Variants in NPC1 observed in about 807,000 individuals in gnomAD.
The protein encoded by NPC1 is NPC intracellular cholesterol transporter 1, also known as Niemann-Pick C1 protein.
A neutral mutation model predicts 140.4 loss-of-function variants in NPC1; 85 were observed. The ratio of observed to expected loss-of-function variants is 0.61; its 90% CI spans 0.51 to 0.72. The LOEUF is 0.72. Among genes scored for constraint, NPC1 ranks in the 30% least tolerant of loss-of-function variants. NPC1 has a pLI of 0.00. For synonymous variants in NPC1, 656 were observed against 624.8 expected (o/e 1.05, Z -0.74); for missense variants, 1,504 against 1,623.8 (o/e 0.93, Z 1.27).
chr18:23,562,061 G>A (rs1216441770), intron 4 of NPC1, among the ~76,000 whole-genome samples: 2 of 152,180 alleles, frequency 1.3e-5, no homozygotes, highest in African/African-American at 4.8e-5. Flanking sequence ...AGGCCGAGGT[G>A]GGCGGACCAC....
At chr18:23,525,197 C>T (rs1420656149), downstream of NPC1, among the ~76,000 whole-genome samples, 8 of 151,982 alleles carry the variant, frequency 5.3e-5, no homozygotes, top group East Asian at 3.9e-4. Flanking sequence ...CCGCCTGCCT[C>T]GGCCTCCCAA....
At chr18:23,571,175 T>C (rs1405386666) in intron 3 of NPC1, among the ~76,000 whole-genome samples, 1 of 151,972 alleles carries the variant, frequency 6.6e-6, no homozygotes, top group Non-Finnish European at 1.5e-5. Flanking sequence ...ATTGTTTTTC[T>C]CTTTATTTCT....
rs1453699815 is a variant in NPC1 at position 23,551,645 on chromosome 18, C to A, written c.1636G>T (p.Val546Leu). 1 of 1,613,828 alleles carries A rather than the reference C, an allele frequency of 6.2e-7. No homozygotes were observed. The highest frequency in any genetic ancestry group is 8.5e-7 in the Non-Finnish European group (1 of 1,179,706). The change falls in exon 10 of 25, where the codon GTG becomes TTG. Residue 546 changes from valine (V) to leucine (L), a missense_variant. Val to Leu is a conservative substitution (Grantham distance 32). Transcript: ENST00000269228. ...TACTTACCATCATAGCCTCCCAACA[C>A]AAGCCACGGGAACACTGGTCCACCA... ...TFGGPVFPWL[V>L]LGGYDDQNYN...
intron 4 of NPC1, among the ~76,000 whole-genome samples, chr18:23,566,894 T>A (rs1195608380): frequency 6.6e-6 from 1 of 152,230 alleles, no homozygotes. Context: ...CTCCACGGTT[T>A]TGCCTTTTGT....
At chr18:23,543,390 A>G in intron 14 of NPC1, 65 bp downstream of exon 14, 1 of 882,028 alleles carries the variant, frequency 1.1e-6, no homozygotes, top group Non-Finnish European at 1.9e-6. Flanking sequence ...ATGTTCAGGT[A>G]GCCAGCTCCT....
Position 23,533,442 on chromosome 18 carries a change from T to C in NPC1, c.3667A>G (p.Ile1223Val), listed in dbSNP as rs368658600. Residue 1223 changes from isoleucine to valine, a missense_variant, in exon 24 of 25, where the codon ATA becomes GTA. Transcript: ENST00000269228. Reference protein sequence around the residue: ...LAFAKSQIFQIFYFRMYLAMV... With the variant: ...LAFAKSQIFQVFYFRMYLAMV... Reference sequence around the variant, plus strand: ...GCCAAATACATCCTGAAGTAGAATATCTGGAAAATTTGAGATTTGGCAAAA... The same window carrying C: ...GCCAAATACATCCTGAAGTAGAATACCTGGAAAATTTGAGATTTGGCAAAA... 175 of 1,614,040 alleles carry C rather than the reference T, an allele frequency of 1.1e-4. No homozygotes were observed. Among genetic ancestry groups the C allele is most frequent in the Non-Finnish European group, 1.4e-4 (164 of 1,179,990 alleles).
chr18:23,536,010 AAAC>A (rs921373346), intron 21 of NPC1, among the ~76,000 whole-genome samples: 68 of 148,220 alleles, frequency 4.6e-4, no homozygotes, highest in African/African-American at 1.7e-3. Flanking sequence ...AAACACAAAA[AAAC>A]AAAGAATCCT....
intron 23 of NPC1, 74 bp from the exon 24 acceptor site, chr18:23,533,591 A>G: frequency 6.9e-7 from 1 of 1,441,116 alleles, no homozygotes; most frequent in Non-Finnish European, 9.7e-7. Flanking sequence ...CCTTACAAGG[A>G]TTTCTCCCAG....
chr18:23,523,123 C>T (rs1215581671), intron 1 of NPC1, among the ~76,000 whole-genome samples: 3 of 152,192 alleles, frequency 2.0e-5, no homozygotes, highest in Admixed American at 6.5e-5. Context: ...AGGTCCAAAG[C>T]GCGAGTGCTC....
At chr18:23,571,946 T>C (rs2059210176) in intron 3 of NPC1, 128 bp downstream of exon 3, 1 of 326,002 alleles carries the variant, frequency 3.1e-6, no homozygotes, top group East Asian at 6.9e-5. Context: ...TGTATAAATA[T>C]ATAATATACA....
chr18:23,575,606 A>C (rs1355505119), intron 1 of NPC1, among the ~76,000 whole-genome samples: 3 of 152,018 alleles, frequency 2.0e-5, no homozygotes, highest in Admixed American at 1.3e-4. Flanking sequence ...CACGCAATCA[A>C]ATATAAGGAA....
At position 23,541,071 on chromosome 18, in the gene NPC1, A is replaced by C. The variant is rs369793282; in HGVS notation, c.2511T>G (p.Ile837Met). The C allele has an allele frequency of 3.7e-6, 6 of 1,614,186 alleles. No individual in the cohort carries two copies. Among genetic ancestry groups the C allele is most frequent in the Non-Finnish European group, 3.4e-6 (4 of 1,180,018 alleles). Residue 837 changes from isoleucine to methionine, a missense_variant, in exon 16 of 25, where the codon ATT becomes ATG. By Grantham distance (10) the Ile-to-Met change is conservative. Coordinates refer to ENST00000269228, the MANE Select transcript of NPC1 (RefSeq NM_000271.5). ...PLLLKDWMRP[I>M]VIAIFVGVLS... ...AAAACCACAGATAAGCGCATACCAC[A>C]ATTGGTCTCATCCAGTCCTTTAGCA... is the stretch of plus-strand genomic sequence containing the variant.
At chr18:23,527,419 A>C (rs947813749), downstream of NPC1, among the ~76,000 whole-genome samples, 1 of 151,192 alleles carries the variant, frequency 6.6e-6, no homozygotes, top group Admixed American at 6.6e-5. Flanking sequence ...AATAATAATA[A>C]TCCCCTACCA....
downstream of NPC1, chr18:23,519,207 G>C (rs2058084246): frequency 1.9e-6 from 3 of 1,590,974 alleles, no homozygotes; most frequent in South Asian, 3.3e-5. Flanking sequence ...CCAAAGTTAA[G>C]GTTGCTTAAA....
At position 23,577,838 on chromosome 18, in the gene NPC1, G is replaced by C. The variant is rs368936384; in HGVS notation, c.58-4264C>G. On this transcript the variant is annotated intron_variant, in intron 1 of 24. Coordinates refer to ENST00000269228, the MANE Select transcript of NPC1 (RefSeq NM_000271.5). ...AGCGCCGGTGGGCCGGCACTGCTGG[G>C]GGGACCCAGTACACCCTCTGCAGCC... Among the ~76,000 whole-genome samples the C allele has an allele frequency of 7.9e-5, 12 of 152,326 alleles. No individual in the cohort carries two copies. The East Asian group carries it at 2.1e-3, about 27-fold the overall frequency.
At chr18:23,562,474 C>G (rs2510340) in intron 4 of NPC1, among the ~76,000 whole-genome samples, 55,133 of 151,418 alleles carry the variant, frequency 0.36, 11,463 homozygotes, top group Admixed American at 0.46. Context: ...TAGAAACTTC[C>G]CAGGATCTTC....
intron 18 of NPC1, 90 bp downstream of exon 18, chr18:23,539,721 A>G (rs2058684649): frequency 1.4e-6 from 2 of 1,411,676 alleles, no homozygotes; most frequent in Non-Finnish European, 1.0e-6. Flanking sequence ...AAGAAAGTCT[A>G]TTTTCAGTGA....
At chr18:23,529,785 A>T (rs996991334), downstream of NPC1, 52 of 1,428,352 alleles carry the variant, frequency 3.6e-5, no homozygotes, top group Non-Finnish European at 4.8e-5. Context: ...CTGTCTTAGA[A>T]GATGACTCAT....
downstream of NPC1, chr18:23,529,728 C>T (rs201307667): frequency 7.9e-5 from 127 of 1,602,120 alleles, no homozygotes; most frequent in Non-Finnish European, 1.0e-4. Context: ...TTCAAATCAT[C>T]TGGGCCCAAG....
Sources: gnomAD v4.1 joint callset for allele counts (sites outside exome capture counted in the v4.1 genomes callset) on GRCh38, gnomAD v4.1.1 for gene constraint, MANE v1.5 for transcripts, NCBI Gene and HGNC (gene_info 2026-07-23, HGNC 2026-07-21) for gene names.